JAKMIP3: variants seen among roughly 807,000 people sequenced by gnomAD.
JAKMIP3 encodes the protein janus kinase and microtubule-interacting protein 3.
In JAKMIP3, 58 loss-of-function variants were observed where a neutral mutation model predicts 118.5. The observed-to-expected ratio is 0.49, with a 90% confidence interval of 0.40 to 0.61. The LOEUF is 0.61. JAKMIP3 is among the 20% of genes least tolerant of loss of function. The pLI is 0.00. For missense variants in JAKMIP3, 950 were observed against 1,109.0 expected, an observed-to-expected ratio of 0.86 and a Z score of 2.04; for synonymous variants, 486 against 451.2, an observed-to-expected ratio of 1.08 and a Z score of -0.98.
intron 1 of JAKMIP3, among the ~76,000 whole-genome samples, chr10:132,090,559 C>G (rs1435751513): frequency 1.3e-5 from 2 of 151,984 alleles, no homozygotes; most frequent in Non-Finnish European, 2.9e-5. Flanking sequence ...TGGTGATAAC[C>G]CCTTTATCAT....
chr10:132,131,667 TC>T lies in JAKMIP3; in HGVS notation c.634-1642del, dbSNP rs549729267. ...GGCCGTTTGGAAGCCATAGCATTCG[TC>T]CCAGTGGAAGATGCTGGCAGTGGGG... is the stretch of plus-strand genomic sequence containing the variant. On this transcript the variant is annotated intron_variant, in intron 3 of 23. Transcript: ENST00000684848. 2.5e-3 allele frequency among the ~76,000 whole-genome samples: 387 copies of T among 152,142 alleles called. 4 individuals carry two copies. Among genetic ancestry groups the T allele is most frequent in the African/African-American group, 9.0e-3 (374 of 41,484 alleles).
At position 132,147,959 on chromosome 10, in the gene JAKMIP3, A is replaced by C; in HGVS notation, c.1757A>C (p.Gln586Pro). The change falls in exon 14 of 24, where the codon CAA becomes CCA. Residue 586 changes from glutamine to proline, a missense_variant. Gln to Pro is a moderately conservative substitution (Grantham distance 76). Coordinates refer to ENST00000684848, the MANE Select transcript of JAKMIP3 (RefSeq NM_001323087.2). ...GCATCTTTTATGTTGCAGATCAAAC[A>C]AATGGAGACGGAAGAGGCTCGGCTC... ...RNQELVEKIK[Q>P]METEEARLRH... is the part of the protein sequence containing the mutation. 6.2e-7 allele frequency: 1 copy of C among 1,605,518 alleles called. No homozygotes were observed. The highest frequency in any genetic ancestry group is 8.5e-7 in the Non-Finnish European group (1 of 1,175,632).
intron 1 of JAKMIP3, among the ~76,000 whole-genome samples, chr10:132,094,318 G>T (rs113423942): frequency 0.034 from 5,132 of 151,982 alleles, 140 homozygotes; most frequent in South Asian, 0.14. Flanking sequence ...GATTTTTTTG[G>T]GGTGTTAAAG....
chr10:132,113,657 G>A (rs2047194440), intron 2 of JAKMIP3, among the ~76,000 whole-genome samples: 1 of 152,222 alleles, frequency 6.6e-6, no homozygotes, highest in African/African-American at 2.4e-5. Context: ...TTTTCCTTTT[G>A]AGGAAATCTT....
intron 23 of JAKMIP3, among the ~76,000 whole-genome samples, chr10:132,173,617 T>C (rs895842039): frequency 6.6e-6 from 1 of 152,224 alleles, no homozygotes; most frequent in Non-Finnish European, 1.5e-5. Context: ...ATTTCATTCA[T>C]GTTTCTTCAC....
intron 1 of JAKMIP3, among the ~76,000 whole-genome samples, chr10:132,068,725 T>C (rs2039337498): frequency 6.6e-6 from 1 of 152,186 alleles, no homozygotes; most frequent in Non-Finnish European, 1.5e-5. Flanking sequence ...CTTACTTTCC[T>C]TTGGGGTCCC....
intron 17 of JAKMIP3, 35 bp downstream of exon 17, chr10:132,153,058 C>A: frequency 6.5e-7 from 1 of 1,547,242 alleles, no homozygotes; most frequent in Non-Finnish European, 8.8e-7. Flanking sequence ...GGGAGAGGGC[C>A]GGGCTCCTGG....
chr10:132,110,290 G>C (rs565515499), intron 2 of JAKMIP3, among the ~76,000 whole-genome samples: 178 of 152,366 alleles, frequency 1.2e-3, no homozygotes, highest in Non-Finnish European at 1.9e-3. Flanking sequence ...ACCAGCTCAG[G>C]CACGGGCAGG....
intron 2 of JAKMIP3, among the ~76,000 whole-genome samples, chr10:132,105,715 C>A (rs986855051): frequency 3.3e-5 from 5 of 152,234 alleles, no homozygotes; most frequent in Non-Finnish European, 1.5e-5. Context: ...AAGGAGAAGG[C>A]GAGGGAGAGA....
At chr10:132,083,863 A>G (rs907590081) in intron 1 of JAKMIP3, among the ~76,000 whole-genome samples, 5 of 152,084 alleles carry the variant, frequency 3.3e-5, no homozygotes, top group African/African-American at 1.2e-4. Context: ...ATTTGAACCC[A>G]AAGTTCTCTA....
chr10:132,149,332 G>A, intron 14 of JAKMIP3, 80 bp from the exon 15 acceptor site: 1 of 928,258 alleles, frequency 1.1e-6, no homozygotes, highest in Non-Finnish European at 1.7e-6. Flanking sequence ...CTTGGCCCGT[G>A]TTCCTCAGGC....
intron 1 of JAKMIP3, among the ~76,000 whole-genome samples, chr10:132,072,805 C>CAT (rs2040173394): frequency 6.6e-6 from 1 of 151,000 alleles, no homozygotes; most frequent in Non-Finnish European, 1.5e-5. Flanking sequence ...AGATTTCTTA[C>CAT]ATATGTATAT....
At chr10:132,144,069 T>C (rs952585921) in intron 11 of JAKMIP3, 2 of 146,628 alleles carry the variant, frequency 1.4e-5, no homozygotes, top group Non-Finnish European at 3.0e-5. Context: ...TGATGGATCC[T>C]CTGACCCTGC....
intron 19 of JAKMIP3, among the ~76,000 whole-genome samples, chr10:132,161,023 G>T (rs1452825488): frequency 5.1e-4 from 35 of 68,080 alleles, no homozygotes; most frequent in African/African-American, 2.2e-3. Context: ...GTGTGATGCT[G>T]GGGGGGCCTC....
intron 1 of JAKMIP3, among the ~76,000 whole-genome samples, chr10:132,053,965 T>C (rs900469678): frequency 1.4e-5 from 2 of 146,678 alleles, no homozygotes; most frequent in African/African-American, 5.1e-5. Context: ...GCATGAACCC[T>C]GGAGGCGGAG....
At chr10:132,051,413 C>T (rs192650478) in intron 1 of JAKMIP3, among the ~76,000 whole-genome samples, 26 of 151,504 alleles carry the variant, frequency 1.7e-4, no homozygotes, top group Admixed American at 9.8e-4. Context: ...TAATTCCAGC[C>T]GTTCTGGTTA....
At chr10:132,107,768 G>A (rs2046141169) in intron 2 of JAKMIP3, among the ~76,000 whole-genome samples, 1 of 152,216 alleles carries the variant, frequency 6.6e-6, no homozygotes, top group African/African-American at 2.4e-5. Context: ...CCACCGTGGT[G>A]GGCCTGTCGA....
rs1178070959 is a variant in JAKMIP3 at position 132,180,740 on chromosome 10, TGCGTGC to T, written c.*1104-1613_*1104-1608del. Among the ~76,000 whole-genome samples the T allele has an allele frequency of 9.5e-3, 49 of 5,138 alleles. 19 individuals are homozygous for T. The highest frequency in any genetic ancestry group is 0.02 in the African/African-American group (44 of 2,216). The allele number at this position is 5,138 out of a possible 152,430, so 3.4% of individuals were successfully genotyped here. Reference sequence around the variant, plus strand: ...GTGTGCGTGTGTGTGCGTGTGTGCGTGCGTGCGCGCGCGTGTGTGCGTGTGTGTGCG... The same window carrying T: ...GTGTGCGTGTGTGTGCGTGTGTGCGTGCGCGCGTGTGTGCGTGTGTGTGCG... On this transcript the variant is annotated intron_variant, in intron 23 of 23. Coordinates refer to ENST00000684848, the MANE Select transcript of JAKMIP3 (RefSeq NM_001323087.2).
rs71010000 is a variant in JAKMIP3, at chr10:132,097,751, G to GT, written c.-137-6905dup. On this transcript the variant is annotated intron_variant, in intron 1 of 23. Transcript: ENST00000684848. Reference sequence around the variant, plus strand: ...GGTCTACAATTATCTCAAACTAAAAGTTTTTTTTTTTTTTTTAAGAAAAAG... The same window carrying GT: ...GGTCTACAATTATCTCAAACTAAAAGTTTTTTTTTTTTTTTTTAAGAAAAAG... 6.1e-3 allele frequency among the ~76,000 whole-genome samples: 891 copies of GT among 147,044 alleles called. 5 individuals are homozygous for GT. The highest frequency in any genetic ancestry group is 0.017 in the African/African-American group (663 of 39,876).
Sources: allele counts gnomAD v4.1 joint callset (sites outside exome capture counted in the v4.1 genomes callset), GRCh38; gene constraint gnomAD v4.1.1; transcripts MANE v1.5; gene names NCBI Gene and HGNC (gene_info 2026-07-23, HGNC 2026-07-21).